Variants in CHD9NB observed in about 807,000 individuals in gnomAD.
CHD9NB encodes CHD9 neighbor protein.
At chr16:53,044,008 T>C in the CHD9NB span, 3 of 398,726 alleles carry the variant, frequency 7.5e-6, no homozygotes, top group Admixed American at 1.3e-4. Flanking sequence ...TTTCAGCTCT[T>C]TGGCTCAGGG....
the CHD9NB span, among the ~76,000 whole-genome samples, chr16:53,051,810 T>TATATATATATATAA: frequency 7.3e-6 from 1 of 136,166 alleles, no homozygotes; most frequent in South Asian, 2.3e-4. Context: ...TATATATATA[T>TATATATATATATAA]AATGAGTACC....
the CHD9NB span, among the ~76,000 whole-genome samples, chr16:53,036,546 A>G: frequency 4.5e-4 from 69 of 152,214 alleles, no homozygotes; most frequent in African/African-American, 1.5e-3. Flanking sequence ...TATCTACTGT[A>G]CCTGAGGAAT....
the CHD9NB span, among the ~76,000 whole-genome samples, chr16:53,037,185 C>T: frequency 7.2e-5 from 11 of 152,164 alleles, no homozygotes; most frequent in Admixed American, 7.2e-4. Flanking sequence ...CCACCCACCT[C>T]GGCCTCCCAA....
chr16:53,051,625 AG>A, the CHD9NB span, among the ~76,000 whole-genome samples: 1 of 68,260 alleles, frequency 1.5e-5, no homozygotes, highest in Non-Finnish European at 2.7e-5. Flanking sequence ...GTTGTGGGGT[AG>A]GGGGAGGGGG....
chr16:53,052,729 G>A, the CHD9NB span: 1 of 153,190 alleles, frequency 6.5e-6, no homozygotes, highest in Non-Finnish European at 1.5e-5. Flanking sequence ...TAAAGTGAAA[G>A]AATGGGAAAT....
At chr16:53,037,667 G>A in the CHD9NB span, among the ~76,000 whole-genome samples, 1 of 152,192 alleles carries the variant, frequency 6.6e-6, no homozygotes, top group Non-Finnish European at 1.5e-5. Flanking sequence ...GATAAGGGAA[G>A]TTCAGATAAG....
the CHD9NB span, among the ~76,000 whole-genome samples, chr16:53,040,017 T>C: frequency 2.6e-5 from 4 of 152,054 alleles, no homozygotes; most frequent in African/African-American, 4.8e-5. Context: ...ACTGCGCCCA[T>C]CAAGATAAAC....
chr16:53,045,665 C>A, the CHD9NB span, among the ~76,000 whole-genome samples: 1 of 152,182 alleles, frequency 6.6e-6, no homozygotes. Context: ...GACATTGACT[C>A]GGATTCACTT....
At chr16:53,038,036 C>T in the CHD9NB span, among the ~76,000 whole-genome samples, 7 of 152,080 alleles carry the variant, frequency 4.6e-5, no homozygotes, top group African/African-American at 1.2e-4. Flanking sequence ...CAGTCTGAGG[C>T]GGAAGGCATG....
chr16:53,035,929 C>T, the CHD9NB span: 15 of 151,120 alleles, frequency 9.9e-5, no homozygotes, highest in African/African-American at 3.7e-4. Flanking sequence ...CACACCACTG[C>T]ACTCCAGCCT....
At chr16:53,039,750 A>G in the CHD9NB span, among the ~76,000 whole-genome samples, 3 of 151,992 alleles carry the variant, frequency 2.0e-5, no homozygotes, top group Admixed American at 2.0e-4. Flanking sequence ...CAAAAAAAAA[A>G]AAAAGTTCAA....
chr16:53,052,520 A>G, the CHD9NB span, among the ~76,000 whole-genome samples: 7 of 152,228 alleles, frequency 4.6e-5, no homozygotes, highest in East Asian at 1.3e-3. Context: ...TTCCAGAAAC[A>G]CTGTGATTAG....
At chr16:53,037,962 G>A in the CHD9NB span, among the ~76,000 whole-genome samples, 1 of 152,168 alleles carries the variant, frequency 6.6e-6, no homozygotes, top group Non-Finnish European at 1.5e-5. Context: ...TTATTATGGA[G>A]GCCAAGAAGT....
chr16:53,051,772 T>A, the CHD9NB span, among the ~76,000 whole-genome samples: 2 of 19,740 alleles, frequency 1.0e-4, no homozygotes, highest in South Asian at 3.2e-3. Context: ...AGTATAAATA[T>A]ATATATATAT....
the CHD9NB span, among the ~76,000 whole-genome samples, chr16:53,050,285 T>C: frequency 2.8e-4 from 43 of 152,152 alleles, no homozygotes; most frequent in Non-Finnish European, 5.4e-4. Context: ...GGTAGGTGGA[T>C]GGCTTGAGCT....
At chr16:53,043,113 T>G in the CHD9NB span, 1 of 152,266 alleles carries the variant, frequency 6.6e-6, no homozygotes, top group Non-Finnish European at 1.5e-5. Flanking sequence ...CAAACATGTC[T>G]ATTTGATTTC....
chr16:53,048,055 G>A, the CHD9NB span, among the ~76,000 whole-genome samples: 1 of 147,384 alleles, frequency 6.8e-6, no homozygotes, highest in Non-Finnish European at 1.5e-5. Context: ...AGGGAGGGAG[G>A]GAGGAAAGGA....
chr16:53,044,976 G>A, the CHD9NB span, among the ~76,000 whole-genome samples: 1 of 151,946 alleles, frequency 6.6e-6, no homozygotes, highest in African/African-American at 2.4e-5. Flanking sequence ...TCACTCTGTT[G>A]CCCAGGCTGG....
the CHD9NB span, among the ~76,000 whole-genome samples, chr16:53,048,555 T>A: frequency 1.3e-5 from 2 of 152,236 alleles, no homozygotes; most frequent in African/African-American, 2.4e-5. Context: ...ATTCTCTCTC[T>A]CCTGCTTCTC....
Sources: allele counts gnomAD v4.1 joint callset (sites outside exome capture counted in the v4.1 genomes callset), GRCh38; gene constraint gnomAD v4.1.1; transcripts MANE v1.5; gene names NCBI Gene and HGNC (gene_info 2026-07-23, HGNC 2026-07-21).